SLC24A3: variants seen among roughly 807,000 people sequenced by gnomAD.
The protein encoded by SLC24A3 is sodium/potassium/calcium exchanger 3.
A neutral mutation model predicts 75.8 loss-of-function variants in SLC24A3; 28 were observed. That is an observed-to-expected ratio of 0.37 (90% CI 0.27 to 0.51). The LOEUF is 0.51. Ranked by LOEUF, SLC24A3 falls within the 20% of genes least tolerant of loss-of-function variation. SLC24A3 has a pLI of 0.94. For synonymous variants in SLC24A3, 372 were observed against 334.1 expected (o/e 1.11, Z -1.24); for missense variants, 663 against 847.8 (o/e 0.78, Z 2.71).
intron 15 of SLC24A3, among the ~76,000 whole-genome samples, chr20:19,714,422 A>C (rs868256715): frequency 1.2e-4 from 17 of 138,890 alleles, no homozygotes; most frequent in South Asian, 5.2e-4. Flanking sequence ...AAAAAAAAAA[A>C]AAAACAACAA....
chr20:19,548,583 C>T (rs941390317), intron 3 of SLC24A3, among the ~76,000 whole-genome samples: 1 of 152,212 alleles, frequency 6.6e-6, no homozygotes, highest in Admixed American at 6.5e-5. Flanking sequence ...CTCAGGGTCT[C>T]ACAAGGCTAA....
chr20:19,595,662 C>A (rs1048629081), intron 6 of SLC24A3, among the ~76,000 whole-genome samples: 3 of 152,224 alleles, frequency 2.0e-5, no homozygotes, highest in African/African-American at 4.8e-5. Flanking sequence ...CTGAGGTGAA[C>A]AAAACAGGAA....
intron 3 of SLC24A3, among the ~76,000 whole-genome samples, chr20:19,542,732 G>A (rs893748175): frequency 1.3e-5 from 2 of 152,196 alleles, no homozygotes; most frequent in Non-Finnish European, 2.9e-5. Context: ...TATTGGTGGG[G>A]GGCTATGGAG....
At chr20:19,414,218 T>G (rs965871385) in intron 2 of SLC24A3, among the ~76,000 whole-genome samples, 1 of 152,212 alleles carries the variant, frequency 6.6e-6, no homozygotes, top group African/African-American at 2.4e-5. Context: ...GCACAGATTT[T>G]CTGGAAAATA....
chr20:19,632,442 A>G (rs1289155655), intron 6 of SLC24A3, among the ~76,000 whole-genome samples: 2 of 152,016 alleles, frequency 1.3e-5, no homozygotes, highest in African/African-American at 4.8e-5. Flanking sequence ...TCTTCCTTGT[A>G]TCACTCCACC....
chr20:19,699,904 A>G (rs911470134), intron 15 of SLC24A3, among the ~76,000 whole-genome samples: 3 of 152,226 alleles, frequency 2.0e-5, no homozygotes, highest in African/African-American at 7.2e-5. Flanking sequence ...GAACCCCAGC[A>G]TAGATACCAG....
intron 2 of SLC24A3, among the ~76,000 whole-genome samples, chr20:19,484,036 A>T (rs999487328): frequency 5.3e-5 from 8 of 152,322 alleles, no homozygotes; most frequent in Non-Finnish European, 1.2e-4. Context: ...TTGCACACCT[A>T]TGTTAATGGG....
intron 2 of SLC24A3, among the ~76,000 whole-genome samples, chr20:19,291,191 C>G (rs1344510377): frequency 1.3e-5 from 2 of 152,324 alleles, no homozygotes; most frequent in Non-Finnish European, 2.9e-5. Context: ...CGGCTGCTCT[C>G]TGACACTCCC....
chr20:19,319,135 G>T (rs563082698), intron 2 of SLC24A3, among the ~76,000 whole-genome samples: 4 of 152,222 alleles, frequency 2.6e-5, no homozygotes, highest in East Asian at 1.9e-4. Context: ...GTTTGCCAGG[G>T]TGAGGCTCTG....
At chr20:19,240,119 A>G (rs1460168705) in intron 1 of SLC24A3, among the ~76,000 whole-genome samples, 4 of 152,186 alleles carry the variant, frequency 2.6e-5, no homozygotes, top group Admixed American at 6.5e-5. Context: ...GTAAAGCTTT[A>G]TTAATAAAGC....
At chr20:19,670,681 A>T (rs2032455462) in intron 8 of SLC24A3, among the ~76,000 whole-genome samples, 1 of 152,208 alleles carries the variant, frequency 6.6e-6, no homozygotes. Context: ...GTTCCTTCCA[A>T]ATGAATGGGC....
intron 6 of SLC24A3, among the ~76,000 whole-genome samples, chr20:19,602,749 A>G (rs943628648): frequency 1.3e-5 from 2 of 152,176 alleles, no homozygotes; most frequent in African/African-American, 4.8e-5. Context: ...ATCCCTGCTT[A>G]TGGCTCTGTC....
At chr20:19,651,277 T>A (rs2032198490) in intron 6 of SLC24A3, among the ~76,000 whole-genome samples, 1 of 150,906 alleles carries the variant, frequency 6.6e-6, no homozygotes. Flanking sequence ...GCATAGAATT[T>A]CAATTGTTTT....
rs1985407264 is a variant in SLC24A3 at position 19,346,172 on chromosome 20, TATATATATATGGTGTATATATATATATG to T, written c.271+65086_271+65113del. Among the ~76,000 whole-genome samples the T allele has an allele frequency of 2.3e-5, 2 of 85,330 alleles. 1 individual carries two copies. Among genetic ancestry groups the T allele is most frequent in the African/African-American group, 1.8e-4 (2 of 10,982 alleles). The allele number at this position is 85,330 out of a possible 152,430, so 56.0% of individuals were successfully genotyped here. On this transcript the variant is annotated intron_variant, in intron 2 of 16. Coordinates refer to ENST00000328041, the MANE Select transcript of SLC24A3 (RefSeq NM_020689.4). ...ATATATATATGGTGTATATATATGGTATATATATATGGTGTATATATATATATGGTATATATATATGGTGTATATGTAT... is the reference window on the plus strand; with the variant it reads ...ATATATATATGGTGTATATATATGGTGTATATATATATGGTGTATATGTAT...
At chr20:19,302,646 T>C (rs1984221962) in intron 2 of SLC24A3, among the ~76,000 whole-genome samples, 1 of 152,242 alleles carries the variant, frequency 6.6e-6, no homozygotes, top group Non-Finnish European at 1.5e-5. Flanking sequence ...TTTTGCCTCA[T>C]ATATAAGTAT....
At chr20:19,595,743 G>T (rs1208694290) in intron 6 of SLC24A3, among the ~76,000 whole-genome samples, 1 of 152,212 alleles carries the variant, frequency 6.6e-6, no homozygotes, top group Non-Finnish European at 1.5e-5. Flanking sequence ...ACCAATCAAT[G>T]ATCAGATAAT....
intron 6 of SLC24A3, among the ~76,000 whole-genome samples, chr20:19,651,213 C>T (rs1226222770): frequency 6.6e-6 from 1 of 151,790 alleles, no homozygotes; most frequent in Non-Finnish European, 1.5e-5. Context: ...TTTTTTGAGA[C>T]AACTAAAATT....
intron 1 of SLC24A3, among the ~76,000 whole-genome samples, chr20:19,273,250 G>A (rs1332182587): frequency 5.3e-5 from 8 of 152,160 alleles, no homozygotes; most frequent in Admixed American, 5.2e-4. Flanking sequence ...GGACAGGAAG[G>A]CAAAGGGATT....
intron 2 of SLC24A3, among the ~76,000 whole-genome samples, chr20:19,391,682 G>C (rs16980475): frequency 0.012 from 1,829 of 152,252 alleles, 37 homozygotes; most frequent in African/African-American, 0.039. Flanking sequence ...TGCATTTTTA[G>C]CTATGCTGCC....
Sources: gnomAD v4.1 joint callset for allele counts (sites outside exome capture counted in the v4.1 genomes callset) on GRCh38, gnomAD v4.1.1 for gene constraint, MANE v1.5 for transcripts, NCBI Gene and HGNC (gene_info 2026-07-23, HGNC 2026-07-21) for gene names.